The following SCRIB variants were observed in gnomAD, a reference collection of about 807,000 sequenced individuals.
SCRIB encodes protein scribble homolog.
SCRIB carries 72 observed loss-of-function variants against 170.0 expected under a neutral mutation model. The observed-to-expected ratio is 0.42, with a 90% confidence interval of 0.35 to 0.52. SCRIB has a LOEUF of 0.52. Ranked by LOEUF, SCRIB falls within the 20% of genes least tolerant of loss-of-function variation. The pLI is 0.02. For missense variants in SCRIB, 2,475 were observed against 2,338.5 expected (o/e 1.06, Z -1.20); for synonymous variants, 1,298 against 1,044.3 (o/e 1.24, Z -4.68).
intron 13 of SCRIB, among the ~76,000 whole-genome samples, 164 bp downstream of exon 13, chr8:143,810,315 C>T (rs1224431492): frequency 6.6e-6 from 1 of 152,188 alleles, no homozygotes; most frequent in Non-Finnish European, 1.5e-5. Context: ...GCACCCTTCA[C>T]CCAGCTGGCC....
At chr8:143,809,789 C>G (rs575057956) in intron 13 of SCRIB, 71 bp from the exon 14 acceptor site, 24 of 1,549,628 alleles carry the variant, frequency 1.5e-5, no homozygotes, top group East Asian at 9.1e-5. Context: ...GGATGCCCCC[C>G]ACGTGGCAGG....
rs969825854 is a variant in SCRIB, at chr8:143,809,548, C to G, written c.1698+3G>C. On this transcript the variant is annotated splice_donor_region_variant and intron_variant, in intron 14 of 36. Transcript: ENST00000356994. ...CTCCTGCCTCCTTCCTGCCAATCCA[C>G]ACCTCCTGGTAGTCCTCTTCGGCGT... The G allele has an allele frequency of 1.9e-6, 3 of 1,604,968 alleles. No homozygotes were observed. Among genetic ancestry groups the G allele is most frequent in the African/African-American group, 1.3e-5 (1 of 74,814 alleles).
intron 24 of SCRIB, among the ~76,000 whole-genome samples, chr8:143,796,650 CG>C (rs1320428518): frequency 6.6e-6 from 1 of 152,192 alleles, no homozygotes; most frequent in Non-Finnish European, 1.5e-5. Flanking sequence ...AGACTAGAAA[CG>C]CGAGTGTCGT....
At chr8:143,809,807 T>C in intron 13 of SCRIB, 89 bp from the exon 14 acceptor site, 1 of 1,455,122 alleles carries the variant, frequency 6.9e-7, no homozygotes, top group Non-Finnish European at 9.4e-7. Context: ...AGGCCTTCCC[T>C]GAGCTTCCCG....
intron 27 of SCRIB, 57 bp downstream of exon 27, chr8:143,794,981 G>A: frequency 6.5e-7 from 1 of 1,534,786 alleles, no homozygotes; most frequent in Non-Finnish European, 9.0e-7. Context: ...GTCCTGGGGT[G>A]GCCGATGAAC....
At position 143,813,288 on chromosome 8, in the gene SCRIB, T is replaced by C. The variant is rs779934616; in HGVS notation, c.567+23A>G. ...CTTCCGTGGCCCGCCCTCCGGTCTC[T>C]GCCCTGTCAGGCCTCCACGCACCAG... On this transcript the variant is annotated intron_variant, in intron 6 of 36. Transcript: ENST00000356994. 3.1e-6 allele frequency: 5 copies of C among 1,613,206 alleles called. No homozygotes were observed. The South Asian group carries it at 4.4e-5, about 14-fold the overall frequency.
At chr8:143,804,429 AAGGAG>A in intron 21 of SCRIB, 134 bp downstream of exon 21, 1 of 909,102 alleles carries the variant, frequency 1.1e-6, no homozygotes, top group South Asian at 2.0e-5. Flanking sequence ...CCCCAGCCTC[AAGGAG>A]CTGCAGGGGA....
At position 143,793,957 on chromosome 8, in the gene SCRIB, C is replaced by T. The variant is rs138320425; in HGVS notation, c.3852G>A (p.Pro1284=). 3.0e-5 allele frequency: 49 copies of T among 1,613,184 alleles called. No individual in the cohort carries two copies. The African/African-American group carries it at 3.9e-4, about 13-fold the overall frequency. The part of the protein sequence containing the change: ...VPSAGSVQRV[P]SGAAGGKMAE... The stretch of plus-strand genomic sequence containing the variant: ...CCATCTTCCCTCCAGCTGCTCCAGA[C>T]GGTACCTGGAGGAGTAGGCAGTGGG... The change falls in exon 28 of 37, where the codon CCG becomes CCA. Residue 1284 remains proline (P), a synonymous_variant. Transcript: ENST00000356994.
chr8:143,813,561 G>A (rs768258430), intron 4 of SCRIB, 35 bp from the exon 5 acceptor site: 6 of 1,613,034 alleles, frequency 3.7e-6, no homozygotes, highest in Non-Finnish European at 5.1e-6. Context: ...GCAAGAGGAA[G>A]GAAAGCAGTG....
rs782471671 is a variant in SCRIB, at chr8:143,803,362, C to T, written c.3603+21G>A. 8 of 1,537,158 alleles carry T rather than the reference C, an allele frequency of 5.2e-6. No homozygotes were observed. The African/African-American group carries it at 9.5e-5, about 18-fold the overall frequency. On this transcript the variant is annotated intron_variant, in intron 24 of 36. Coordinates refer to ENST00000356994, the MANE Select transcript of SCRIB (RefSeq NM_182706.5). ...GGGCTGGGCCAGAGGGAGGCCCGGTCCCCGGGGCGGGATCGCTAACCTCCA... is the reference window on the plus strand; with the variant it reads ...GGGCTGGGCCAGAGGGAGGCCCGGTTCCCGGGGCGGGATCGCTAACCTCCA...
At position 143,791,197 on chromosome 8, in the gene SCRIB, G is replaced by A. The variant is rs940127620; in HGVS notation, c.4934C>T (p.Pro1645Leu). Reference sequence around the variant, plus strand: ...CACAGGGCCCAGGCCACGGCGCCCAGGCCTTACGGGGCGGCGGCTGCTGCA... The same window carrying A: ...CACAGGGCCCAGGCCACGGCGCCCAAGCCTTACGGGGCGGCGGCTGCTGCA... ...ALCSSRRPVR[P>L]GRRGLGPVPS Residue 1645 changes from proline (P) to leucine (L), a missense_variant, in exon 37 of 37, where the codon CCT becomes CTT. Coordinates refer to ENST00000356994, the MANE Select transcript of SCRIB (RefSeq NM_182706.5). 6.9e-7 allele frequency: 1 copy of A among 1,445,162 alleles called. No homozygotes were observed. Among genetic ancestry groups the A allele is most frequent in the African/African-American group, 1.4e-5 (1 of 69,520 alleles). The allele number at this position is 1,445,162 out of a possible 1,614,324, so 89.5% of individuals were successfully genotyped here. A position where few individuals can be genotyped will look rare whatever the true frequency, so the allele number is the denominator to read the frequency against.
chr8:143,792,318 G>A lies in SCRIB; in HGVS notation c.4416C>T (p.Arg1472=), dbSNP rs782659950. ...KAERRHQERL[R]VQSPEPPAPE... ...GTGCCGGTGGCTCCGGACTCTGCAC[G>A]CGCAGCCGCTCCTGGTGGCGCCGTT... The change falls in exon 32 of 37, where the codon CGC becomes CGT. Residue 1472 remains arginine (R), a synonymous_variant. Coordinates refer to ENST00000356994, the MANE Select transcript of SCRIB (RefSeq NM_182706.5). 13 of 1,551,286 alleles carry A rather than the reference G, an allele frequency of 8.4e-6. No individual in the cohort carries two copies. The highest frequency in any genetic ancestry group is 7.1e-5 in the East Asian group (3 of 42,204).
Position 143,805,112 on chromosome 8 carries a change from C to T in SCRIB, c.2670G>A (p.Ala890=), listed in dbSNP as rs1815360647. ...KGSTPYRAGD[A]GIFVSRIAEG... is the part of the protein sequence containing the mutation. ...CCCCGGCCCTGGGCCCCAGCCTCAC[C>T]GCATCACCAGCCCTGTAGGGTGTGG... is the stretch of plus-strand genomic sequence containing the variant. Residue 890 remains alanine (A), a splice_region_variant and synonymous_variant, in exon 19 of 37, where the codon GCG becomes GCA. Transcript: ENST00000356994. 3.1e-6 allele frequency: 5 copies of T among 1,598,312 alleles called. No homozygotes were observed. Among genetic ancestry groups the T allele is most frequent in the Non-Finnish European group, 3.4e-6 (4 of 1,172,500 alleles).
Position 143,791,952 on chromosome 8 carries a change from C to A in SCRIB, c.4657+39G>T. 3.3e-6 allele frequency: 5 copies of A among 1,493,482 alleles called. No homozygotes were observed. The South Asian group carries it at 6.8e-5, about 20-fold the overall frequency. 92.5% of individuals were successfully genotyped at this position (1,493,482 alleles called of 1,614,324 possible). ...AAGCGGGCATTGGAAGCAGCCCATG[C>A]GGCAGGCTGACCCCCCCGACCTGCC... On this transcript the variant is annotated intron_variant, in intron 33 of 36. Coordinates refer to ENST00000356994, the MANE Select transcript of SCRIB (RefSeq NM_182706.5).
intron 24 of SCRIB, among the ~76,000 whole-genome samples, chr8:143,800,357 G>A (rs537435547): frequency 1.4e-4 from 21 of 152,150 alleles, no homozygotes; most frequent in Non-Finnish European, 2.4e-4. Context: ...TACAGCAAAC[G>A]TCACAGTACA....
intron 24 of SCRIB, among the ~76,000 whole-genome samples, chr8:143,798,301 T>G (rs1290157126): frequency 2.6e-5 from 4 of 151,902 alleles, no homozygotes; most frequent in African/African-American, 4.8e-5. Context: ...CCCTAAAAGC[T>G]AAAATGAGTC....
chr8:143,815,100 C>T (rs1816009096), intron 1 of SCRIB, 114 bp downstream of exon 1: 2 of 1,284,516 alleles, frequency 1.6e-6, no homozygotes, highest in African/African-American at 1.5e-5. Flanking sequence ...CTGGCCAGTG[C>T]AAACCAGCAG....
chr8:143,803,736 C>T lies in SCRIB; in HGVS notation c.3325G>A (p.Glu1109Lys), dbSNP rs782173524. The T allele has an allele frequency of 2.5e-6, 4 of 1,598,264 alleles. No individual in the cohort carries two copies. In the African/African-American group the frequency reaches 4.0e-5, roughly 16 times the overall value. The change falls in exon 23 of 37, where the codon GAG becomes AAG. Residue 1109 changes from glutamate (E) to lysine (K), a missense_variant. By Grantham distance (56) the Glu-to-Lys change is moderately conservative. This residue lies in a region of SCRIB where 1,966 missense variants were observed against 1,742.9 expected (regional missense o/e 1.13). Transcript: ENST00000356994. ...RELCIQKAPG[E>K]RLGISIRGGA... is the part of the protein sequence containing the mutation. ...CCGCGGATGCTGATGCCCAGCCTCT[C>T]CCCAGGTGCCTTCTGGATGCACAGT...
intron 8 of SCRIB, 108 bp downstream of exon 8, chr8:143,812,709 A>G: frequency 2.8e-6 from 4 of 1,420,140 alleles, no homozygotes; most frequent in Non-Finnish European, 2.9e-6. Context: ...GCCTGGGCAC[A>G]CTCAGGATCC....
Sources: allele counts gnomAD v4.1 joint callset (sites outside exome capture counted in the v4.1 genomes callset), GRCh38; gene constraint gnomAD v4.1.1; regional missense constraint gnomAD v4.1.1; transcripts MANE v1.5; gene names NCBI Gene and HGNC (gene_info 2026-07-23, HGNC 2026-07-21).